The following MYO1E variants were observed in gnomAD, a reference collection of about 807,000 sequenced individuals.
The protein encoded by MYO1E is unconventional myosin-Ie.
A neutral mutation model predicts 151.1 loss-of-function variants in MYO1E; 68 were observed. The ratio of observed to expected loss-of-function variants is 0.45; its 90% CI spans 0.37 to 0.55. The LOEUF is 0.55. Ranked by LOEUF, MYO1E falls within the 20% of genes least tolerant of loss-of-function variation. The pLI is 0.00. For missense variants in MYO1E, 1,363 were observed against 1,389.3 expected (o/e 0.98, Z 0.30); for synonymous variants, 601 against 501.7 (o/e 1.20, Z -2.64).
intron 2 of MYO1E, among the ~76,000 whole-genome samples, chr15:59,270,559 A>AAG (rs574663955): frequency 6.7e-6 from 1 of 149,734 alleles, no homozygotes; most frequent in Admixed American, 6.6e-5. Flanking sequence ...AAAAAAAAAA[A>AAG]GAAAAGAAAA....
chr15:59,194,539 T>A lies in MYO1E; in HGVS notation c.1805+922A>T, dbSNP rs12593888. ...CTTCCTGTGGAAGCTAAACCTGGAGTTCTTCACTCGACACCTAAAAGAGCC... is the reference window on the plus strand; with the variant it reads ...CTTCCTGTGGAAGCTAAACCTGGAGATCTTCACTCGACACCTAAAAGAGCC... On this transcript the variant is annotated intron_variant, in intron 17 of 27. Transcript: ENST00000288235. Among the ~76,000 whole-genome samples, 51 of 152,176 alleles carry A rather than the reference T, an allele frequency of 3.4e-4. No individual in the cohort carries two copies. The South Asian group carries it at 8.3e-3, about 25-fold the overall frequency.
At chr15:59,177,815 G>A (rs762176685) in intron 19 of MYO1E, among the ~76,000 whole-genome samples, 1 of 152,214 alleles carries the variant, frequency 6.6e-6, no homozygotes, top group Non-Finnish European at 1.5e-5. Flanking sequence ...CTATAAACCA[G>A]AGATTTCTCC....
intron 1 of MYO1E, among the ~76,000 whole-genome samples, chr15:59,353,622 T>A (rs2080837227): frequency 6.6e-6 from 1 of 151,574 alleles, no homozygotes; most frequent in Admixed American, 6.6e-5. Context: ...CCGGGTGTGG[T>A]GGCGCACGCC....
chr15:59,132,701 T>C lies in MYO1E; in HGVS notation c.*4679A>G, dbSNP rs1170384738. On this transcript the variant is annotated 3_prime_UTR_variant, in exon 28 of 28. Coordinates refer to ENST00000288235, the MANE Select transcript of MYO1E (RefSeq NM_004998.4). ...GTGCTTTGGGTTTGATTTTAAGTAG[T>C]GGTGATCTCTATACTTTAGTTTCTG... is the stretch of plus-strand genomic sequence containing the variant. The C allele has an allele frequency of 6.6e-6, 1 of 152,224 alleles. No individual in the cohort carries two copies. The highest frequency in any genetic ancestry group is 2.4e-5 in the African/African-American group (1 of 41,450). The allele number at this position is 152,224 out of a possible 1,614,324, so 9.4% of individuals were successfully genotyped here.
chr15:59,334,576 C>T (rs1177532124), intron 1 of MYO1E, among the ~76,000 whole-genome samples: 1 of 152,062 alleles, frequency 6.6e-6, no homozygotes, highest in African/African-American at 2.4e-5. Flanking sequence ...CAGCATATTC[C>T]CCCCACTGGT....
chr15:59,349,190 TATTA>T (rs2080810423), intron 1 of MYO1E, among the ~76,000 whole-genome samples: 1 of 152,142 alleles, frequency 6.6e-6, no homozygotes, highest in Non-Finnish European at 1.5e-5. Context: ...TAATAGTAAT[TATTA>T]ATTAGTAATT....
intron 1 of MYO1E, among the ~76,000 whole-genome samples, chr15:59,339,688 T>C (rs1261865332): frequency 6.6e-6 from 1 of 152,130 alleles, no homozygotes; most frequent in Non-Finnish European, 1.5e-5. Context: ...GTCTCCCTAC[T>C]AAGAATTTTA....
chr15:59,300,215 G>A (rs2080473490), intron 1 of MYO1E, among the ~76,000 whole-genome samples: 1 of 152,130 alleles, frequency 6.6e-6, no homozygotes, highest in Admixed American at 6.5e-5. Context: ...AGCATGCCTG[G>A]CAATGAATGC....
intron 1 of MYO1E, among the ~76,000 whole-genome samples, chr15:59,319,550 CTTT>C (rs59491381): frequency 4.8e-3 from 305 of 63,452 alleles, no homozygotes; most frequent in African/African-American, 0.012. Flanking sequence ...GTCAAACTAC[CTTT>C]TTTTTTTTTT....
intron 1 of MYO1E, among the ~76,000 whole-genome samples, chr15:59,303,121 TAA>T (rs1596408104): frequency 6.6e-6 from 1 of 152,184 alleles, no homozygotes; most frequent in East Asian, 1.9e-4. Flanking sequence ...ATGCTGCAAA[TAA>T]AGTCTTCAGC....
chr15:59,355,908 G>C (rs1386286749), intron 1 of MYO1E, among the ~76,000 whole-genome samples: 1 of 151,940 alleles, frequency 6.6e-6, no homozygotes, highest in East Asian at 1.9e-4. Flanking sequence ...TTGTAGAGAC[G>C]GGGTCTCACA....
In MYO1E at chr15:59,137,420, T is replaced by C. The variant is rs754088981; in HGVS notation, c.3287A>G (p.Lys1096Arg). Residue 1096 changes from lysine to arginine, a missense_variant, in exon 28 of 28, where the codon AAG (lysine) becomes AGG (arginine). Lys to Arg is a conservative substitution (Grantham distance 26). Coordinates refer to ENST00000288235, the MANE Select transcript of MYO1E (RefSeq NM_004998.4). ...ATAGTTGTTGGGGAACAGGCCCTGC[T>C]TGCCTCGTAGTCGACCCGTCCACCA... ...SGWWTGRLRG[K>R]QGLFPNNYVT... 4.3e-6 allele frequency: 7 copies of C among 1,614,064 alleles called. No homozygotes were observed. The East Asian group carries it at 1.6e-4, about 36-fold the overall frequency.
At position 59,175,091 on chromosome 15, in the gene MYO1E, C is replaced by T. The variant is rs145709381; in HGVS notation, c.2050-851G>A. ...CCTCCACAGCTACATGAGCCGCATA[C>T]TCTGTCATCTCTATTTTACAGATGA... On this transcript the variant is annotated intron_variant, in intron 19 of 27. Coordinates refer to ENST00000288235, the MANE Select transcript of MYO1E (RefSeq NM_004998.4). Among the ~76,000 whole-genome samples, 95 of 152,300 alleles carry T rather than the reference C, an allele frequency of 6.2e-4. 1 individual carries two copies. The East Asian group carries it at 0.015, about 24-fold the overall frequency.
chr15:59,203,053 G>C (rs1056078851), intron 15 of MYO1E, among the ~76,000 whole-genome samples: 3 of 152,070 alleles, frequency 2.0e-5, no homozygotes, highest in Admixed American at 1.3e-4. Flanking sequence ...GCCAGCATGT[G>C]TTTGTTAAGA....
At chr15:59,190,110 CT>C (rs1752632517) in intron 17 of MYO1E, among the ~76,000 whole-genome samples, 2 of 152,246 alleles carry the variant, frequency 1.3e-5, no homozygotes, top group African/African-American at 4.8e-5. Flanking sequence ...TGAAAACTTG[CT>C]TCAGATCATC....
At chr15:59,289,396 C>T (rs1199788224) in intron 1 of MYO1E, among the ~76,000 whole-genome samples, 1 of 152,150 alleles carries the variant, frequency 6.6e-6, no homozygotes, top group Admixed American at 6.5e-5. Context: ...TGGGGTCCAT[C>T]CAAATATTAT....
chr15:59,161,578 C>A (rs574351045), intron 23 of MYO1E, among the ~76,000 whole-genome samples: 90 of 152,324 alleles, frequency 5.9e-4, no homozygotes, highest in South Asian at 5.0e-3. Context: ...TACCGCTGTG[C>A]TGTCATTGTG....
intron 1 of MYO1E, among the ~76,000 whole-genome samples, chr15:59,277,979 T>C (rs1420323476): frequency 6.6e-6 from 1 of 152,232 alleles, no homozygotes; most frequent in Non-Finnish European, 1.5e-5. Context: ...CTGTACAGTT[T>C]ACATTTTTTA....
chr15:59,223,226 G>A, intron 8 of MYO1E, 35 bp from the exon 9 acceptor site: 2 of 1,613,588 alleles, frequency 1.2e-6, no homozygotes, highest in Non-Finnish European at 1.7e-6. Context: ...CAGAGAAGCT[G>A]GTCACCAGCT....
Sources: allele counts gnomAD v4.1 joint callset (sites outside exome capture counted in the v4.1 genomes callset), GRCh38; gene constraint gnomAD v4.1.1; transcripts MANE v1.5; gene names NCBI Gene and HGNC (gene_info 2026-07-23, HGNC 2026-07-21).